LYPLAL1: variants seen among roughly 807,000 people sequenced by gnomAD.
LYPLAL1 encodes lysophospholipase like 1.
LYPLAL1 carries 23 observed loss-of-function variants against 19.7 expected under a neutral mutation model. That is an observed-to-expected ratio of 1.17 (90% confidence interval 0.84 to 1.65). The LOEUF (loss-of-function observed/expected upper bound fraction) is 1.65. Ranked by LOEUF, LYPLAL1 falls within the 40% of genes most tolerant of loss-of-function variation. LYPLAL1 has a pLI of 0.00. For synonymous variants in LYPLAL1, 119 were observed against 96.3 expected (o/e 1.24, Z -1.38); for missense variants, 355 against 279.4 (o/e 1.27, Z -1.93).
At chr1:219,363,609 T>G in the LYPLAL1 span, among the ~76,000 whole-genome samples, 1 of 152,170 alleles carries the variant, frequency 6.6e-6, no homozygotes, top group Non-Finnish European at 1.5e-5. Context: ...TCCATTTTAC[T>G]TAAAGTAGGT....
the LYPLAL1 span, among the ~76,000 whole-genome samples, chr1:219,295,428 T>A: frequency 1.3e-5 from 2 of 152,192 alleles, no homozygotes; most frequent in South Asian, 4.1e-4. Context: ...TCTGAAGTCA[T>A]GAATTAGTAA....
At chr1:219,303,054 C>G in the LYPLAL1 span, among the ~76,000 whole-genome samples, 1 of 152,208 alleles carries the variant, frequency 6.6e-6, no homozygotes, top group Non-Finnish European at 1.5e-5. Context: ...TTCTCAGTAC[C>G]TCACACATTT....
chr1:219,266,784 T>G, the LYPLAL1 span, among the ~76,000 whole-genome samples: 1 of 152,176 alleles, frequency 6.6e-6, no homozygotes, highest in African/African-American at 2.4e-5. Flanking sequence ...ATGGGACCAC[T>G]GTCCTATATG....
chr1:219,226,319 G>T, the LYPLAL1 span, among the ~76,000 whole-genome samples: 1 of 152,142 alleles, frequency 6.6e-6, no homozygotes, highest in Non-Finnish European at 1.5e-5. Flanking sequence ...CCAGGGATCT[G>T]ATCCTCTGTT....
intron 2 of LYPLAL1, among the ~76,000 whole-genome samples, chr1:219,188,325 G>GGTA (rs1329877608): frequency 6.6e-6 from 1 of 151,806 alleles, no homozygotes; most frequent in African/African-American, 2.4e-5. Context: ...GTAAAAGGGA[G>GGTA]GTATACTTTC....
chr1:219,371,535 G>T, the LYPLAL1 span, among the ~76,000 whole-genome samples: 2 of 152,106 alleles, frequency 1.3e-5, no homozygotes, highest in South Asian at 2.1e-4. Flanking sequence ...TTCACCTAAG[G>T]CTACCTCCCT....
At chr1:219,263,106 T>G in the LYPLAL1 span, among the ~76,000 whole-genome samples, 8 of 152,212 alleles carry the variant, frequency 5.3e-5, no homozygotes, top group Admixed American at 3.9e-4. Context: ...TGTTTTGTGT[T>G]TGGCTACCAG....
At chr1:219,320,836 A>G in the LYPLAL1 span, among the ~76,000 whole-genome samples, 1 of 152,168 alleles carries the variant, frequency 6.6e-6, no homozygotes, top group East Asian at 1.9e-4. Flanking sequence ...AATCCAGTCT[A>G]TCATTGATGG....
the LYPLAL1 span, among the ~76,000 whole-genome samples, chr1:219,418,354 C>T: frequency 1.3e-5 from 2 of 152,248 alleles, no homozygotes; most frequent in South Asian, 2.1e-4. Flanking sequence ...CCACCCTACC[C>T]GTGTGGATAT....
the LYPLAL1 span, among the ~76,000 whole-genome samples, chr1:219,305,964 A>T: frequency 7.9e-5 from 12 of 152,340 alleles, no homozygotes; most frequent in South Asian, 2.3e-3. Context: ...CAGATTAAAG[A>T]TATTTCATTT....
At chr1:219,315,454 G>A in the LYPLAL1 span, among the ~76,000 whole-genome samples, 2 of 152,106 alleles carry the variant, frequency 1.3e-5, no homozygotes, top group African/African-American at 2.4e-5. Flanking sequence ...AAGGCTTCTT[G>A]CACATCAAAT....
At chr1:219,416,008 T>A in the LYPLAL1 span, among the ~76,000 whole-genome samples, 1 of 152,236 alleles carries the variant, frequency 6.6e-6, no homozygotes, top group Non-Finnish European at 1.5e-5. Context: ...TGCTATTTTT[T>A]AAAATAAAAT....
the LYPLAL1 span, among the ~76,000 whole-genome samples, chr1:219,259,014 T>C: frequency 1.3e-5 from 2 of 151,968 alleles, no homozygotes; most frequent in African/African-American, 4.8e-5. Flanking sequence ...TATGAAAATA[T>C]GCTTAACATC....
the LYPLAL1 span, among the ~76,000 whole-genome samples, chr1:219,334,658 G>A: frequency 6.6e-5 from 10 of 151,460 alleles, no homozygotes; most frequent in Middle Eastern, 3.4e-3. Context: ...TATTTTATCC[G>A]GCATCTAATA....
chr1:219,424,519 C>T, the LYPLAL1 span, among the ~76,000 whole-genome samples: 4 of 152,086 alleles, frequency 2.6e-5, no homozygotes, highest in African/African-American at 9.7e-5. Flanking sequence ...TGGATGGAAC[C>T]GGGCATGGAA....
At chr1:219,236,775 G>A in the LYPLAL1 span, among the ~76,000 whole-genome samples, 1 of 152,076 alleles carries the variant, frequency 6.6e-6, no homozygotes, top group African/African-American at 2.4e-5. Flanking sequence ...TTAACTTCTG[G>A]GGTACATGTG....
the LYPLAL1 span, among the ~76,000 whole-genome samples, chr1:219,443,217 A>C: frequency 6.6e-6 from 1 of 152,150 alleles, no homozygotes; most frequent in Non-Finnish European, 1.5e-5. Flanking sequence ...AAGTCAACCT[A>C]CCTTTTATTC....
intron 2 of LYPLAL1, among the ~76,000 whole-genome samples, chr1:219,180,072 C>T (rs1001369384): frequency 6.6e-6 from 1 of 152,162 alleles, no homozygotes; most frequent in African/African-American, 2.4e-5. Flanking sequence ...TCTTGGCCCA[C>T]AGCAGCCTTT....
the LYPLAL1 span, among the ~76,000 whole-genome samples, chr1:219,342,534 C>T: frequency 1.3e-5 from 2 of 150,960 alleles, no homozygotes; most frequent in African/African-American, 4.9e-5. Context: ...CCAGGAGTCT[C>T]GTGGTTTCCG....
Sources: allele counts gnomAD v4.1 joint callset (sites outside exome capture counted in the v4.1 genomes callset), GRCh38; gene constraint gnomAD v4.1.1; transcripts MANE v1.5; gene names NCBI Gene and HGNC (gene_info 2026-07-23, HGNC 2026-07-21).